CRB1: variants seen among roughly 807,000 people sequenced by gnomAD.
The protein encoded by CRB1 is crumbs cell polarity complex component 1.
Under a neutral mutation model 120.0 loss-of-function variants are expected in CRB1, and 83 were observed. The observed-to-expected ratio is 0.69, with a 90% CI of 0.58 to 0.83. The LOEUF (loss-of-function observed/expected upper bound fraction) is 0.83. CRB1 is among the 40% of genes least tolerant of loss of function. The pLI is 0.00. For missense variants in CRB1, 1,699 were observed against 1,687.6 expected, an observed-to-expected ratio of 1.01 and a Z score of -0.12; for synonymous variants, 625 against 612.5, an observed-to-expected ratio of 1.02 and a Z score of -0.30.
At chr1:197,406,385 G>C (rs1026192990) in intron 5 of CRB1, among the ~76,000 whole-genome samples, 8 of 152,092 alleles carry the variant, frequency 5.3e-5, no homozygotes, top group Non-Finnish European at 1.2e-4. Context: ...CAGCATGCTC[G>C]TTAAGAGTCA....
At chr1:197,324,372 C>A (rs1658377128) in intron 1 of CRB1, among the ~76,000 whole-genome samples, 1 of 152,004 alleles carries the variant, frequency 6.6e-6, no homozygotes, top group Admixed American at 6.6e-5. Flanking sequence ...AGTCAATAGA[C>A]AAATAATAAG....
intron 1 of CRB1, among the ~76,000 whole-genome samples, chr1:197,301,533 G>A (rs1558039339): frequency 6.6e-6 from 1 of 152,108 alleles, no homozygotes; most frequent in African/African-American, 2.4e-5. Context: ...TTCCTTTGGC[G>A]ATTCTGGGAA....
At chr1:197,222,782 T>G in the CRB1 span, 46 of 1,227,842 alleles carry the variant, frequency 3.7e-5, no homozygotes, top group Non-Finnish European at 5.1e-5. Context: ...AAGTGCTACA[T>G]GATATTTCAA....
At chr1:197,418,782 CTA>C (rs1664136419) in intron 5 of CRB1, among the ~76,000 whole-genome samples, 1 of 152,166 alleles carries the variant, frequency 6.6e-6, no homozygotes, top group Admixed American at 6.5e-5. Flanking sequence ...AGGTACTATG[CTA>C]TGTTTTAGAC....
intron 1 of CRB1, among the ~76,000 whole-genome samples, chr1:197,279,080 C>T (rs932111705): frequency 1.1e-4 from 16 of 151,920 alleles, no homozygotes; most frequent in South Asian, 4.1e-4. Flanking sequence ...AAGCTTGCTT[C>T]GAAATTATTA....
At chr1:197,262,480 G>T in the CRB1 span, among the ~76,000 whole-genome samples, 2 of 152,080 alleles carry the variant, frequency 1.3e-5, no homozygotes, top group Admixed American at 1.3e-4. Flanking sequence ...TGCTGACTTT[G>T]TAAGATTTTA....
chr1:197,458,744 G>A (rs1558155872), intron 11 of CRB1, among the ~76,000 whole-genome samples: 1 of 152,138 alleles, frequency 6.6e-6, no homozygotes, highest in Non-Finnish European at 1.5e-5. Flanking sequence ...AGAGAAGAAG[G>A]AGAGCAGGGA....
chr1:197,331,873 G>A (rs983461040), intron 2 of CRB1, among the ~76,000 whole-genome samples: 7 of 151,970 alleles, frequency 4.6e-5, no homozygotes, highest in African/African-American at 1.5e-4. Context: ...CTAAATTTAG[G>A]CATAAAAGAT....
intron 11 of CRB1, among the ~76,000 whole-genome samples, chr1:197,451,128 A>G (rs182329643): frequency 6.6e-6 from 1 of 152,352 alleles, no homozygotes; most frequent in African/African-American, 2.4e-5. Flanking sequence ...AAACATTCCA[A>G]TAGAATCTGA....
At chr1:197,203,761 G>C in the CRB1 span, among the ~76,000 whole-genome samples, 1 of 151,998 alleles carries the variant, frequency 6.6e-6, no homozygotes, top group Non-Finnish European at 1.5e-5. Flanking sequence ...TAGATATTTA[G>C]AAAAAATGGT....
At chr1:197,440,726 A>C (rs916390233) in intron 10 of CRB1, 13 of 152,298 alleles carry the variant, frequency 8.5e-5, no homozygotes, top group Admixed American at 8.5e-4. Context: ...ACATCCAAGG[A>C]TATTGAAAAG....
chr1:197,309,200 G>T (rs1324874905), intron 1 of CRB1, among the ~76,000 whole-genome samples: 1 of 151,652 alleles, frequency 6.6e-6, no homozygotes, highest in African/African-American at 2.4e-5. Context: ...AGATGAACAG[G>T]CCAGATTGTT....
chr1:197,376,794 A>G (rs1387390742), intron 5 of CRB1, among the ~76,000 whole-genome samples: 1 of 152,186 alleles, frequency 6.6e-6, no homozygotes, highest in African/African-American at 2.4e-5. Context: ...CCATTCAAAC[A>G]GTCCAGTGGC....
At chr1:197,212,134 T>G in the CRB1 span, among the ~76,000 whole-genome samples, 3 of 152,170 alleles carry the variant, frequency 2.0e-5, no homozygotes, top group South Asian at 6.2e-4. Flanking sequence ...TATCAAGTGT[T>G]TATGAGGACA....
In CRB1 at chr1:197,478,110, C is replaced by T. The variant is rs1422327396; in HGVS notation, c.*231C>T. The T allele has an allele frequency of 1.8e-6, 1 of 548,302 alleles. No individual in the cohort carries two copies. Among genetic ancestry groups the T allele is most frequent in the African/African-American group, 1.9e-5 (1 of 52,740 alleles). 34.0% of individuals were successfully genotyped at this position (548,302 alleles called of 1,614,324 possible). On this transcript the variant is annotated 3_prime_UTR_variant, in exon 12 of 12. Transcript: ENST00000367400. The stretch of plus-strand genomic sequence containing the variant: ...AAAAAGTCTGTGCCAGTAATTTCAG[C>T]CTTATAATTAGCAAAAACATCTTCC...
intron 8 of CRB1, among the ~76,000 whole-genome samples, chr1:197,431,644 TCAAA>T (rs1306813622): frequency 1.3e-5 from 2 of 152,128 alleles, no homozygotes; most frequent in Non-Finnish European, 2.9e-5. Context: ...AATCTACACA[TCAAA>T]CAGTTTAGGA....
intron 11 of CRB1, among the ~76,000 whole-genome samples, chr1:197,448,889 C>G (rs570447026): frequency 2.4e-4 from 37 of 152,302 alleles, no homozygotes; most frequent in Admixed American, 8.5e-4. Flanking sequence ...CTACAAATGT[C>G]TGTAAAAGAA....
rs186086356 is a variant in CRB1 at position 197,469,348 on chromosome 1, G to T, written c.4006-8316G>T. 1.1e-4 allele frequency among the ~76,000 whole-genome samples: 17 copies of T among 152,306 alleles called. No individual in the cohort carries two copies. In the East Asian group the frequency reaches 3.3e-3, roughly 29 times the overall value. On this transcript the variant is annotated intron_variant, in intron 11 of 11. Transcript: ENST00000367400. The stretch of plus-strand genomic sequence containing the variant: ...TTTTTTTCTGTGGGGCTGGATGGAG[G>T]ATGTAGATTCTGGAGGAAATAAAAG...
intron 2 of CRB1, among the ~76,000 whole-genome samples, chr1:197,333,967 A>G (rs1255481848): frequency 6.6e-6 from 1 of 152,376 alleles, no homozygotes; most frequent in South Asian, 2.1e-4. Flanking sequence ...CTCTGATATG[A>G]AACAAATGCA....
Sources: gnomAD v4.1 joint callset for allele counts (sites outside exome capture counted in the v4.1 genomes callset) on GRCh38, gnomAD v4.1.1 for gene constraint, MANE v1.5 for transcripts, NCBI Gene and HGNC (gene_info 2026-07-23, HGNC 2026-07-21) for gene names.